The following CLVS1 variants were observed in gnomAD, a reference collection of about 807,000 sequenced individuals.
CLVS1 encodes clavesin 1.
Under a neutral mutation model 33.1 loss-of-function variants are expected in CLVS1, and 10 were observed. The observed-to-expected ratio is 0.30, with a 90% CI of 0.19 to 0.51. CLVS1 has a LOEUF of 0.51. CLVS1 is among the 20% of genes least tolerant of loss of function. The probability of loss-of-function intolerance (pLI) is 0.97; values close to 1 mark genes in which losing one functional copy is unlikely to be tolerated. For synonymous variants in CLVS1, 163 were observed against 166.1 expected (o/e 0.98, Z 0.14); for missense variants, 343 against 433.4 (o/e 0.79, Z 1.85).
In CLVS1 at chr8:61,204,662, C is replaced by T. The variant is rs1807803579; in HGVS notation, c.-152+72802C>T. Among the ~76,000 whole-genome samples, 3 of 152,136 alleles carry T rather than the reference C, an allele frequency of 2.0e-5. No individual in the cohort carries two copies. In the South Asian group the frequency reaches 6.2e-4, roughly 32 times the overall value. On this transcript the variant is annotated intron_variant, in intron 2 of 2. Coordinates refer to the CLVS1 transcript ENST00000522621. ...AGAACAAAATAAATGTTAAGTGCTA[C>T]AAATTGCTTTGTATAGCTACTTTTC...
At chr8:61,244,720 T>G (rs1396674049) in intron 2 of CLVS1, among the ~76,000 whole-genome samples, 1 of 152,182 alleles carries the variant, frequency 6.6e-6, no homozygotes, top group East Asian at 1.9e-4. Context: ...AGTGGTTATT[T>G]TGTGTGTGGC....
chr8:61,090,820 G>A, intron 1 of CLVS1: 2 of 514,154 alleles, frequency 3.9e-6, no homozygotes, highest in Non-Finnish European at 7.8e-6. Flanking sequence ...AGATTCATCT[G>A]TACCCGATTT....
At chr8:61,469,369 T>C (rs914480555) in intron 5 of CLVS1, among the ~76,000 whole-genome samples, 3 of 152,174 alleles carry the variant, frequency 2.0e-5, no homozygotes, top group African/African-American at 7.2e-5. Context: ...ATACCCCTCC[T>C]AGATCCCGCA....
chr8:61,291,773 CA>C (rs1192458452), intron 1 of CLVS1, among the ~76,000 whole-genome samples: 1 of 152,002 alleles, frequency 6.6e-6, no homozygotes, highest in East Asian at 1.9e-4. Context: ...GAGTAATTAA[CA>C]GGGTGATCTG....
intron 2 of CLVS1, among the ~76,000 whole-genome samples, chr8:61,361,734 CA>C (rs1451405002): frequency 6.6e-6 from 1 of 152,134 alleles, no homozygotes; most frequent in Non-Finnish European, 1.5e-5. Flanking sequence ...CATGTGGAAA[CA>C]GCTATCCAGA....
At chr8:61,072,803 A>G (rs1804822995) in intron 1 of CLVS1, among the ~76,000 whole-genome samples, 1 of 152,240 alleles carries the variant, frequency 6.6e-6, no homozygotes, top group African/African-American at 2.4e-5. Context: ...CTAGAGAACA[A>G]ACCATTTTCC....
chr8:61,129,884 A>G (rs995277472), intron 1 of CLVS1, among the ~76,000 whole-genome samples: 1 of 152,220 alleles, frequency 6.6e-6, no homozygotes, highest in African/African-American at 2.4e-5. Flanking sequence ...ATGTTAATAT[A>G]TTCTTTAGAT....
At chr8:61,266,819 G>A (rs927485463) in intron 2 of CLVS1, among the ~76,000 whole-genome samples, 1 of 152,138 alleles carries the variant, frequency 6.6e-6, no homozygotes, top group Non-Finnish European at 1.5e-5. Context: ...AAGGTGCCTG[G>A]CTCATGATAG....
intron 2 of CLVS1, among the ~76,000 whole-genome samples, chr8:61,254,074 A>G (rs976125792): frequency 6.6e-6 from 1 of 152,032 alleles, no homozygotes; most frequent in African/African-American, 2.4e-5. Context: ...GTCTTTGATG[A>G]TGGTGACGTA....
the CLVS1 span, among the ~76,000 whole-genome samples, chr8:60,985,250 A>G: frequency 1.3e-5 from 2 of 152,210 alleles, no homozygotes; most frequent in African/African-American, 4.8e-5. Flanking sequence ...GGGGCTTTCA[A>G]TCCGCTGTGA....
chr8:61,199,485 G>A (rs1413238617), intron 2 of CLVS1, among the ~76,000 whole-genome samples: 1 of 152,064 alleles, frequency 6.6e-6, no homozygotes, highest in African/African-American at 2.4e-5. Context: ...ATATACAAAT[G>A]ACCATCAAAC....
At chr8:61,049,509 A>G in the CLVS1 span, among the ~76,000 whole-genome samples, 13 of 152,356 alleles carry the variant, frequency 8.5e-5, no homozygotes, top group African/African-American at 2.4e-4. Flanking sequence ...TAAATTTAGT[A>G]TATCATTAAA....
intron 2 of CLVS1, among the ~76,000 whole-genome samples, chr8:61,234,992 CCAAA>C (rs1471934427): frequency 1.3e-5 from 2 of 152,074 alleles, no homozygotes; most frequent in Non-Finnish European, 2.9e-5. Flanking sequence ...CATTGTCATC[CCAAA>C]CAAAGTGAGA....
the CLVS1 span, among the ~76,000 whole-genome samples, chr8:61,026,211 C>T: frequency 7.1e-4 from 108 of 152,218 alleles, 3 homozygotes; most frequent in East Asian, 0.012. Flanking sequence ...GATACAGACA[C>T]GAGCAGAGGG....
the CLVS1 span, among the ~76,000 whole-genome samples, chr8:61,019,169 G>T: frequency 6.6e-6 from 1 of 152,226 alleles, no homozygotes; most frequent in Non-Finnish European, 1.5e-5. Context: ...AAAGTCAGCT[G>T]GGCTTCTAAA....
chr8:61,202,709 A>G, intron 2 of CLVS1: 1 of 1,568,964 alleles, frequency 6.4e-7, no homozygotes, highest in Non-Finnish European at 8.7e-7. Flanking sequence ...GTAGCTGTGG[A>G]GGAAGATGCA....
the CLVS1 span, among the ~76,000 whole-genome samples, chr8:61,044,791 A>G: frequency 5.3e-4 from 81 of 152,304 alleles, no homozygotes; most frequent in African/African-American, 1.7e-3. Context: ...AGAGAAGAGG[A>G]TTAGGTAAGA....
chr8:61,301,980 A>G (rs1231837973), intron 2 of CLVS1, among the ~76,000 whole-genome samples: 1 of 152,176 alleles, frequency 6.6e-6, no homozygotes, highest in African/African-American at 2.4e-5. Flanking sequence ...TAACATTCTT[A>G]TGTTTCACGG....
intron 1 of CLVS1, among the ~76,000 whole-genome samples, chr8:61,079,528 AG>A (rs1214509259): frequency 1.3e-5 from 2 of 152,212 alleles, no homozygotes; most frequent in African/African-American, 4.8e-5. Flanking sequence ...TTGGAGTTCC[AG>A]GAACATACTG....
Sources: gnomAD v4.1 joint callset for allele counts (sites outside exome capture counted in the v4.1 genomes callset) on GRCh38, gnomAD v4.1.1 for gene constraint, MANE v1.5 for transcripts, NCBI Gene and HGNC (gene_info 2026-07-23, HGNC 2026-07-21) for gene names.